SCARA5: variants seen among roughly 807,000 people sequenced by gnomAD.
SCARA5 encodes the protein scavenger receptor class A, member 5 (putative).
Under a neutral mutation model 46.3 loss-of-function variants are expected in SCARA5, and 45 were observed. The ratio of observed to expected loss-of-function variants is 0.97; its 90% confidence interval spans 0.76 to 1.24. SCARA5 has a LOEUF of 1.24. SCARA5 is among the 50% of genes most tolerant of loss of function. The pLI is 0.00. For synonymous variants in SCARA5, 333 were observed against 306.5 expected (o/e 1.09, Z -0.90); for missense variants, 680 against 689.0 (o/e 0.99, Z 0.15).
At chr8:27,956,825 G>A (rs1026695945) in intron 3 of SCARA5, among the ~76,000 whole-genome samples, 2 of 152,180 alleles carry the variant, frequency 1.3e-5, no homozygotes, top group Non-Finnish European at 2.9e-5. Context: ...TGTTGTTTGG[G>A]ATTTGATGGG....
chr8:27,944,344 A>G (rs1185001952), intron 3 of SCARA5, among the ~76,000 whole-genome samples: 1 of 152,232 alleles, frequency 6.6e-6, no homozygotes, highest in African/African-American at 2.4e-5. Context: ...GATATAAGAC[A>G]ATGTCCTTGT....
intron 5 of SCARA5, among the ~76,000 whole-genome samples, chr8:27,908,143 C>A (rs1807299332): frequency 7.4e-6 from 1 of 134,932 alleles, no homozygotes. Flanking sequence ...CTTACTGGTA[C>A]TTAGGGAGCG....
intron 3 of SCARA5, among the ~76,000 whole-genome samples, chr8:27,966,038 A>G (rs955651047): frequency 2.0e-5 from 3 of 152,238 alleles, no homozygotes; most frequent in Non-Finnish European, 4.4e-5. Flanking sequence ...AAAGTGCCTC[A>G]CAACTATTTT....
intron 2 of SCARA5, among the ~76,000 whole-genome samples, chr8:27,980,780 C>G (rs1282173204): frequency 6.6e-6 from 1 of 152,178 alleles, no homozygotes; most frequent in Non-Finnish European, 1.5e-5. Flanking sequence ...GCCCTCAGGG[C>G]CCAGTATTTC....
chr8:27,880,005 C>T (rs1035988931), intron 7 of SCARA5, among the ~76,000 whole-genome samples: 11 of 152,314 alleles, frequency 7.2e-5, no homozygotes, highest in African/African-American at 2.2e-4. Flanking sequence ...GACACAGAGA[C>T]CAATGGAACA....
At chr8:27,923,578 T>C (rs896423236) in intron 3 of SCARA5, among the ~76,000 whole-genome samples, 4 of 152,194 alleles carry the variant, frequency 2.6e-5, no homozygotes, top group Admixed American at 6.5e-5. Context: ...TTTTGTTTTG[T>C]TTTGTTTTTT....
chr8:27,905,278 C>T (rs1807234881), intron 6 of SCARA5, among the ~76,000 whole-genome samples: 1 of 151,886 alleles, frequency 6.6e-6, no homozygotes. Flanking sequence ...TGTGAGATAC[C>T]AGGGAATTGT....
chr8:27,918,670 A>T (rs1002792156), intron 4 of SCARA5, among the ~76,000 whole-genome samples: 3 of 18,178 alleles, frequency 1.7e-4, no homozygotes, highest in South Asian at 3.4e-3. Context: ...ATGAGGAGGA[A>T]AAGGAAGATG....
Position 27,947,169 on chromosome 8 carries a change from G to A in SCARA5, c.241+19245C>T, listed in dbSNP as rs140211336. On this transcript the variant is annotated intron_variant, in intron 3 of 8. Coordinates refer to ENST00000354914, the MANE Select transcript of SCARA5 (RefSeq NM_173833.6). ...TGGGACTATAGGTATGCACTACCAC[G>A]TCCGGCTACCTTTTGTATTTTTAGT... is the stretch of plus-strand genomic sequence containing the variant. Among the ~76,000 whole-genome samples the A allele has an allele frequency of 8.0e-3, 1,218 of 152,162 alleles. 21 individuals carry two copies. Among genetic ancestry groups the A allele is most frequent in the African/African-American group, 0.028 (1,165 of 41,518 alleles).
chr8:27,991,701 A>G (rs7830599), intron 1 of SCARA5, among the ~76,000 whole-genome samples: 3,851 of 152,296 alleles, frequency 0.025, 155 homozygotes, highest in African/African-American at 0.088. Flanking sequence ...AGAGAGAATC[A>G]CTAAGGAGGT....
intron 6 of SCARA5, among the ~76,000 whole-genome samples, chr8:27,906,485 G>T (rs1807263853): frequency 6.6e-6 from 1 of 152,264 alleles, no homozygotes; most frequent in African/African-American, 2.4e-5. Context: ...TCAGGAGTCT[G>T]GCAGGACTAG....
intron 3 of SCARA5, among the ~76,000 whole-genome samples, chr8:27,958,463 G>A (rs922409185): frequency 2.6e-5 from 4 of 152,170 alleles, no homozygotes; most frequent in Non-Finnish European, 4.4e-5. Flanking sequence ...GACTTCAAAC[G>A]ACCCTGACTC....
chr8:27,872,977 G>A (rs1740530419), intron 8 of SCARA5, among the ~76,000 whole-genome samples: 1 of 152,160 alleles, frequency 6.6e-6, no homozygotes, highest in Non-Finnish European at 1.5e-5. Context: ...GCGGTGGCGG[G>A]GGATCATTCC....
chr8:27,916,900 C>T (rs1021400320), intron 4 of SCARA5, among the ~76,000 whole-genome samples: 2 of 152,132 alleles, frequency 1.3e-5, no homozygotes, highest in East Asian at 3.9e-4. Flanking sequence ...TATCCGGAGG[C>T]AGGGCCTTTG....
At position 27,879,631 on chromosome 8, in the gene SCARA5, A is replaced by C. The variant is rs1259224715; in HGVS notation, c.1289T>G (p.Val430Gly). 7 of 1,612,242 alleles carry C rather than the reference A, an allele frequency of 4.3e-6. No individual in the cohort carries two copies. The East Asian group carries it at 1.6e-4, about 36-fold the overall frequency. ...DGWDKKDGDV[V>G]CRMLGFRGVE... Reference sequence around the variant, plus strand: ...ACCGCGGAAGCCGAGCATGCGGCACACCACGTCTCCGTCCTTCTTGTCCCA... The same window carrying C: ...ACCGCGGAAGCCGAGCATGCGGCACCCCACGTCTCCGTCCTTCTTGTCCCA... Residue 430 changes from valine (V) to glycine (G), a missense_variant, in exon 8 of 9, where the codon GTG becomes GGG. Coordinates refer to ENST00000354914, the MANE Select transcript of SCARA5 (RefSeq NM_173833.6).
chr8:27,871,691 C>T lies in SCARA5; in HGVS notation c.*243G>A, dbSNP rs1340702469. 2.9e-6 allele frequency: 4 copies of T among 1,380,500 alleles called. No individual in the cohort carries two copies. The highest frequency in any genetic ancestry group is 3.8e-6 in the Non-Finnish European group (4 of 1,066,482). The allele number at this position is 1,380,500 out of a possible 1,614,324, so 85.5% of individuals were successfully genotyped here. On this transcript the variant is annotated 3_prime_UTR_variant, in exon 9 of 9. Coordinates refer to ENST00000354914, the MANE Select transcript of SCARA5 (RefSeq NM_173833.6). ...AGTGGTGATCCAGTTGATCAGGGCT[C>T]CTCATGCAGGAACCTGGTGGAAGAG... is the stretch of plus-strand genomic sequence containing the variant.
chr8:27,941,800 C>T (rs112832134), intron 3 of SCARA5, among the ~76,000 whole-genome samples: 1,777 of 135,278 alleles, frequency 0.013, 38 homozygotes, highest in African/African-American at 0.044. Context: ...TTTACATCAT[C>T]ATTATTATTA....
intron 2 of SCARA5, among the ~76,000 whole-genome samples, chr8:27,974,721 A>C (rs894634420): frequency 2.0e-5 from 3 of 151,514 alleles, no homozygotes; most frequent in African/African-American, 4.9e-5. Context: ...AGCTGCCACC[A>C]CTCTCTGGCT....
At chr8:27,913,377 C>G (rs576130680) in intron 4 of SCARA5, among the ~76,000 whole-genome samples, 5 of 152,320 alleles carry the variant, frequency 3.3e-5, no homozygotes, top group African/African-American at 1.2e-4. Context: ...ACCAAGTGAT[C>G]TTTAAATCAC....
Sources: allele counts gnomAD v4.1 joint callset (sites outside exome capture counted in the v4.1 genomes callset), GRCh38; gene constraint gnomAD v4.1.1; transcripts MANE v1.5; gene names NCBI Gene and HGNC (gene_info 2026-07-23, HGNC 2026-07-21).